Variants in TULP4 observed in about 807,000 individuals in gnomAD.
The protein encoded by TULP4 is TUB like protein 4.
A neutral mutation model predicts 129.0 loss-of-function variants in TULP4; 16 were observed. The observed-to-expected ratio is 0.12, with a 90% CI of 0.08 to 0.19. TULP4 has a LOEUF of 0.19. TULP4 is among the 10% of genes least tolerant of loss of function. The pLI, the probability that TULP4 is intolerant of heterozygous loss-of-function variation, is 1.00. For missense variants in TULP4, 1,842 were observed against 2,059.1 expected (o/e 0.89, Z 2.04); for synonymous variants, 998 against 854.0 (o/e 1.17, Z -2.94).
intron 1 of TULP4, among the ~76,000 whole-genome samples, chr6:158,322,445 C>G (rs1025304039): frequency 6.6e-6 from 1 of 152,120 alleles, no homozygotes; most frequent in Admixed American, 6.5e-5. Context: ...TAATAATTCT[C>G]TTCTATCAGA....
chr6:158,310,572 C>G (rs560974628), upstream of TULP4: 9 of 152,198 alleles, frequency 5.9e-5, no homozygotes, highest in East Asian at 1.7e-3. Context: ...TTTAAACAAC[C>G]AGGTATCGTG....
Position 158,237,439 on chromosome 6 carries a change from G to T in TULP4, n.68+5136G>T, listed in dbSNP as rs1044477375. On this transcript the variant is annotated intron_variant and non_coding_transcript_variant, in intron 1 of 1. Coordinates refer to the TULP4 transcript ENST00000620026. ...GTGTCTTGGGGGTATGATGTTACTT[G>T]TAGAGGCAGATAGTGTCGCTGCACT... 17 of 1,572,848 alleles carry T rather than the reference G, an allele frequency of 1.1e-5. No homozygotes were observed. In the African/African-American group the frequency reaches 2.2e-4, roughly 20 times the overall value.
chr6:158,311,326 G>A (rs1385030773), upstream of TULP4, among the ~76,000 whole-genome samples: 1 of 152,182 alleles, frequency 6.6e-6, no homozygotes, highest in Non-Finnish European at 1.5e-5. Flanking sequence ...TGCTGAATTT[G>A]AGAAAGTCCA....
intron 1 of TULP4, among the ~76,000 whole-genome samples, chr6:158,268,028 CTTTTTT>C (rs1778481043): frequency 8.8e-6 from 1 of 113,806 alleles, no homozygotes; most frequent in Non-Finnish European, 1.9e-5. Context: ...TTTTCTTTTT[CTTTTTT>C]CTTTTTTTTT....
chr6:158,439,236 T>C (rs1176359472), intron 3 of TULP4, among the ~76,000 whole-genome samples: 1 of 151,896 alleles, frequency 6.6e-6, no homozygotes, highest in Non-Finnish European at 1.5e-5. Flanking sequence ...ATAGAAGAGG[T>C]CTGTTCTTTG....
At chr6:158,397,449 G>C (rs1203139996) in intron 1 of TULP4, among the ~76,000 whole-genome samples, 1 of 152,146 alleles carries the variant, frequency 6.6e-6, no homozygotes, top group Non-Finnish European at 1.5e-5. Context: ...GAGCAAGTCT[G>C]TCCAACCTGT....
intron 1 of TULP4, among the ~76,000 whole-genome samples, chr6:158,288,682 A>G (rs1778872346): frequency 6.6e-6 from 1 of 152,074 alleles, no homozygotes; most frequent in Middle Eastern, 3.2e-3. Flanking sequence ...TTGTATTTTT[A>G]GTAGAGACGG....
At chr6:158,428,600 GT>G (rs1778556465) in intron 2 of TULP4, among the ~76,000 whole-genome samples, 1 of 150,448 alleles carries the variant, frequency 6.6e-6, no homozygotes, top group Non-Finnish European at 1.5e-5. Context: ...TCAAGTATAA[GT>G]AATGTTTTTC....
chr6:158,286,540 T>C (rs1237305713), intron 1 of TULP4, among the ~76,000 whole-genome samples: 1 of 152,240 alleles, frequency 6.6e-6, no homozygotes, highest in Non-Finnish European at 1.5e-5. Context: ...TTTTCTGTGT[T>C]ACCATGGGTC....
At chr6:158,382,061 C>T (rs1192555900) in intron 1 of TULP4, among the ~76,000 whole-genome samples, 1 of 152,038 alleles carries the variant, frequency 6.6e-6, no homozygotes, top group Non-Finnish European at 1.5e-5. Flanking sequence ...AAAAAGCAGC[C>T]AGGAGTATGG....
intron 1 of TULP4, among the ~76,000 whole-genome samples, chr6:158,255,709 C>T (rs992103063): frequency 6.6e-6 from 1 of 152,196 alleles, no homozygotes; most frequent in Non-Finnish European, 1.5e-5. Flanking sequence ...CCCAGTGCAC[C>T]ATGCTTGGCA....
chr6:158,334,825 A>G (rs143404954), intron 1 of TULP4, among the ~76,000 whole-genome samples: 1 of 152,292 alleles, frequency 6.6e-6, no homozygotes, highest in East Asian at 1.9e-4. Flanking sequence ...GACTCCTTAT[A>G]AAAGGGCTTG....
At chr6:158,273,810 A>G (rs189503718) in intron 1 of TULP4, among the ~76,000 whole-genome samples, 37 of 152,352 alleles carry the variant, frequency 2.4e-4, no homozygotes, top group East Asian at 7.7e-4. Flanking sequence ...AGCTCCTAGT[A>G]TGTACCAGGC....
At chr6:158,389,078 AAC>A (rs1777527994) in intron 1 of TULP4, among the ~76,000 whole-genome samples, 1 of 152,258 alleles carries the variant, frequency 6.6e-6, no homozygotes, top group African/African-American at 2.4e-5. Flanking sequence ...CAGAATAAAC[AAC>A]AGTTTCATAA....
At chr6:158,327,097 A>G (rs946324269) in intron 1 of TULP4, among the ~76,000 whole-genome samples, 1 of 146,226 alleles carries the variant, frequency 6.8e-6, no homozygotes, top group Non-Finnish European at 1.5e-5. Context: ...TTTATAAATA[A>G]TACTTTCCTC....
Position 158,503,494 on chromosome 6 carries a change from C to A in TULP4, c.3831C>A (p.Gly1277=), listed in dbSNP as rs772496599. ...SACPPMQNPQ[G]TLPPKPHLVV... is the part of the protein sequence containing the mutation. ...GCCCGCCCATGCAGAACCCCCAGGG[C>A]ACTCTCCCCCCAAAGCCACACTTGG... is the stretch of plus-strand genomic sequence containing the variant. The change falls in exon 13 of 14, where the codon GGC becomes GGA. Residue 1277 remains glycine, a synonymous_variant. Transcript: ENST00000367097. The surrounding 1 kb of genome is among the most constrained non-coding windows in gnomAD (Gnocchi z 4.3). 1 of 1,613,920 alleles carries A rather than the reference C, an allele frequency of 6.2e-7. No homozygotes were observed.
intron 1 of TULP4, among the ~76,000 whole-genome samples, chr6:158,367,578 T>C (rs981223776): frequency 1.3e-5 from 2 of 152,222 alleles, no homozygotes; most frequent in Non-Finnish European, 2.9e-5. Flanking sequence ...CCAAAAACCC[T>C]TCCACCTTAA....
intron 4 of TULP4, among the ~76,000 whole-genome samples, chr6:158,450,911 A>G (rs1011533430): frequency 1.3e-5 from 2 of 152,014 alleles, no homozygotes; most frequent in Non-Finnish European, 2.9e-5. Context: ...AAAAGAAAAA[A>G]AAAATTAGCC....
At chr6:158,234,135 T>C (rs1412221774) in intron 1 of TULP4, among the ~76,000 whole-genome samples, 2 of 152,224 alleles carry the variant, frequency 1.3e-5, no homozygotes, top group Non-Finnish European at 2.9e-5. Context: ...TCCTCTTCAT[T>C]TAGAAAGAGT....
Sources: gnomAD v4.1 joint callset for allele counts (sites outside exome capture counted in the v4.1 genomes callset) on GRCh38, gnomAD v4.1.1 for gene constraint, Gnocchi (gnomAD v3.1) non-coding constraint, MANE v1.5 for transcripts, NCBI Gene and HGNC (gene_info 2026-07-23, HGNC 2026-07-21) for gene names.